KARS1: variants seen among roughly 807,000 people sequenced by gnomAD.
KARS1 encodes lysyl-tRNA synthetase 1, also known as lysine--tRNA ligase.
In KARS1, 50 loss-of-function variants were observed where a neutral mutation model predicts 63.9. That is an observed-to-expected ratio of 0.78 (90% CI 0.62 to 0.99). The LOEUF (loss-of-function observed/expected upper bound fraction) is 0.99. KARS1 is among the 50% of genes least tolerant of loss of function. KARS1 has a pLI of 0.00. For missense variants in KARS1, 816 were observed against 754.5 expected, an observed-to-expected ratio of 1.08 and a Z score of -0.95; for synonymous variants, 320 against 264.6, an observed-to-expected ratio of 1.21 and a Z score of -2.03.
At chr16:75,638,974 C>T (rs1173767557) in intron 3 of KARS1, among the ~76,000 whole-genome samples, 2 of 151,748 alleles carry the variant, frequency 1.3e-5, no homozygotes, top group East Asian at 1.9e-4. Flanking sequence ...TCAAGACCAG[C>T]CTGGCCAACA....
At chr16:75,638,405 G>A (rs2082187711) in intron 3 of KARS1, among the ~76,000 whole-genome samples, 1 of 151,954 alleles carries the variant, frequency 6.6e-6, no homozygotes, top group Non-Finnish European at 1.5e-5. Context: ...CCCTTGACAG[G>A]CCCCAGTGTG....
chr16:75,631,958 G>T, intron 7 of KARS1, 103 bp from the exon 8 acceptor site: 1 of 1,370,608 alleles, frequency 7.3e-7, no homozygotes, highest in Non-Finnish European at 1.0e-6. Flanking sequence ...CAAGATCTCA[G>T]CTCACCGCAA....
intron 11 of KARS1, 88 bp downstream of exon 11, chr16:75,630,335 C>T: frequency 1.2e-6 from 1 of 866,172 alleles, no homozygotes. Flanking sequence ...AGAAAGACCA[C>T]CAGTCAAACC....
At chr16:75,630,188 C>G (rs1050065942) in intron 11 of KARS1, among the ~76,000 whole-genome samples, 10 of 152,172 alleles carry the variant, frequency 6.6e-5, no homozygotes, top group Non-Finnish European at 1.0e-4. Context: ...GGCTGTGCTG[C>G]CAGACAGGCC....
chr16:75,633,414 G>C (rs2082132214), intron 7 of KARS1, among the ~76,000 whole-genome samples: 2 of 151,464 alleles, frequency 1.3e-5, no homozygotes, highest in South Asian at 4.2e-4. Context: ...GCTTAAACTA[G>C]TTATAACAGT....
intron 7 of KARS1, among the ~76,000 whole-genome samples, chr16:75,633,311 G>A (rs1223049623): frequency 2.0e-5 from 3 of 152,118 alleles, no homozygotes; most frequent in African/African-American, 2.4e-5. Flanking sequence ...TTCATCCATC[G>A]TTTAGGTCAG....
chr16:75,640,036 G>T (rs1597173633), intron 3 of KARS1, 148 bp downstream of exon 3: 20 of 712,518 alleles, frequency 2.8e-5, no homozygotes, highest in South Asian at 2.5e-4. Flanking sequence ...GCTTCTTTCT[G>T]TATAGATATA....
intron 7 of KARS1, among the ~76,000 whole-genome samples, chr16:75,633,465 A>C (rs1206256601): frequency 2.0e-5 from 3 of 151,946 alleles, no homozygotes; most frequent in African/African-American, 7.3e-5. Context: ...AATAATCTTC[A>C]ATATTTACCT....
In KARS1 at chr16:75,636,025, C is replaced by A; in HGVS notation, c.556G>T (p.Gly186Trp). 6.2e-7 allele frequency: 1 copy of A among 1,611,898 alleles called. No individual in the cohort carries two copies. The highest frequency in any genetic ancestry group is 1.1e-5 in the South Asian group (1 of 91,030). ...LRRGDIIGVQ[G>W]NPGKTKKGEL... The stretch of plus-strand genomic sequence containing the variant: ...CCCTTCTTGGTTTTACCAGGATTCC[C>A]CTGAACTCCAATTATGTCTCCCCGA... Residue 186 changes from glycine to tryptophan, a missense_variant, in exon 5 of 14, where the codon GGG (glycine) becomes TGG (tryptophan). Transcript: ENST00000302445.
chr16:75,646,895 A>T (rs931837352), intron 1 of KARS1, among the ~76,000 whole-genome samples: 1 of 152,078 alleles, frequency 6.6e-6, no homozygotes, highest in Non-Finnish European at 1.5e-5. Context: ...CTGTGGTTCA[A>T]ATGGGGAACG....
intron 10 of KARS1, 87 bp downstream of exon 10, chr16:75,631,081 T>C (rs1736246856): frequency 1.0e-6 from 1 of 1,001,990 alleles, no homozygotes; most frequent in Non-Finnish European, 1.6e-6. Context: ...AGAAATGAAC[T>C]CTCCCCAGTG....
At chr16:75,630,897 A>C (rs1018361339) in intron 10 of KARS1, among the ~76,000 whole-genome samples, 1 of 152,180 alleles carries the variant, frequency 6.6e-6, no homozygotes. Flanking sequence ...GGCCTCCTGA[A>C]GTGCTGGGAT....
chr16:75,630,631 TTA>T lies in KARS1; in HGVS notation c.1339-125_1339-124del, dbSNP rs1187480211. ...TATCCTATAGCTTTTTATTTATTTA[TTA>T]TTATTATTATTATTATTATTGAGAT... On this transcript the variant is annotated intron_variant, in intron 10 of 13. Transcript: ENST00000302445. The T allele has an allele frequency of 6.0e-5, 17 of 282,390 alleles. No homozygotes were observed. The African/African-American group carries it at 6.4e-4, about 11-fold the overall frequency. 17.5% of individuals were successfully genotyped at this position (282,390 alleles called of 1,614,324 possible).
At chr16:75,644,158 G>T (rs2151812254) in intron 1 of KARS1, 1 of 752,824 alleles carries the variant, frequency 1.3e-6, no homozygotes, top group Non-Finnish European at 2.2e-6. Context: ...ATTGGTTTTG[G>T]TATTAGGGCT....
rs2082140721 is a variant in KARS1 at position 75,634,268 on chromosome 16, T to C, written c.820A>G (p.Ile274Val). The C allele has an allele frequency of 6.2e-7, 1 of 1,614,068 alleles. No homozygotes were observed. The highest frequency in any genetic ancestry group is 8.5e-7 in the Non-Finnish European group (1 of 1,179,946). Residue 274 changes from isoleucine (I) to valine (V), a missense_variant, in exon 7 of 14, where the codon ATC (isoleucine) becomes GTC (valine). Transcript: ENST00000302445. Reference protein sequence around the residue: ...LEIETPMMNIIPGGAVAKPFI... With the variant: ...LEIETPMMNIVPGGAVAKPFI... ...GGCTTGGCCACGGCTCCCCCTGGGA[T>C]GATGTTCATCATGGGAGTTTCAATC...
Position 75,631,861 on chromosome 16 carries a change from A to G in KARS1, c.916-6T>C. The G allele has an allele frequency of 6.2e-7, 1 of 1,613,868 alleles. No homozygotes were observed. The highest frequency in any genetic ancestry group is 8.5e-7 in the Non-Finnish European group (1 of 1,180,022). On this transcript the variant is annotated splice_polypyrimidine_tract_variant and splice_region_variant and intron_variant, in intron 7 of 13. Transcript: ENST00000302445. The stretch of plus-strand genomic sequence containing the variant: ...ATGCCACCAACCACAAGCATCTAAC[A>G]ACAACACATGGCCACGGTCATGACA...
chr16:75,633,978 C>T (rs749586095), intron 7 of KARS1, 195 bp downstream of exon 7: 1 of 658,560 alleles, frequency 1.5e-6, no homozygotes, highest in Non-Finnish European at 2.8e-6. Flanking sequence ...CCTTTGGTCT[C>T]TGCCCTACAA....
rs1222836544 is a variant in KARS1, at chr16:75,641,680, T to C, written c.106A>G (p.Lys36Glu). The change falls in exon 2 of 14, where the codon AAG becomes GAG. Residue 36 changes from lysine (K) to glutamate (E), a missense_variant. By Grantham distance (56) the Lys-to-Glu change is moderately conservative. Coordinates refer to ENST00000302445, the MANE Select transcript of KARS1 (RefSeq NM_005548.3). ...RLKAEKKVAEKEAKQKELSEK... is the reference protein window; with the variant it reads ...RLKAEKKVAEEEAKQKELSEK... ...CTGAGCTCTTTCTGTTTGGCCTCCT[T>C]CTCTGCTACTTTCTTCTCAGCTTTC... is the stretch of plus-strand genomic sequence containing the variant. 9 of 1,613,898 alleles carry C rather than the reference T, an allele frequency of 5.6e-6. No individual in the cohort carries two copies. The Admixed American group carries it at 1.2e-4, about 21-fold the overall frequency.
intron 13 of KARS1, among the ~76,000 whole-genome samples, chr16:75,628,322 C>G (rs8051771): frequency 6.6e-6 from 1 of 152,234 alleles, no homozygotes; most frequent in Admixed American, 6.5e-5. Flanking sequence ...AAATAATGCA[C>G]GGAGACTTCC....
Sources: gnomAD v4.1 joint callset for allele counts (sites outside exome capture counted in the v4.1 genomes callset) on GRCh38, gnomAD v4.1.1 for gene constraint, MANE v1.5 for transcripts, NCBI Gene and HGNC (gene_info 2026-07-23, HGNC 2026-07-21) for gene names.